The following RALGAPA2 variants were observed in gnomAD, a reference collection of about 807,000 sequenced individuals.
RALGAPA2 encodes Ral GTPase activating protein catalytic subunit alpha 2.
A neutral mutation model predicts 230.4 loss-of-function variants in RALGAPA2; 139 were observed. The observed-to-expected ratio is 0.60, with a 90% CI of 0.53 to 0.69. The LOEUF is 0.69. Among genes scored for constraint, RALGAPA2 ranks in the 30% least tolerant of loss-of-function variants. The pLI, the probability that RALGAPA2 is intolerant of heterozygous loss-of-function variation, is 0.00. For synonymous variants in RALGAPA2, 847 were observed against 837.8 expected (o/e 1.01, Z -0.19); for missense variants, 2,163 against 2,276.0 (o/e 0.95, Z 1.01).
intron 36 of RALGAPA2, among the ~76,000 whole-genome samples, chr20:20,489,611 A>C (rs1400504345): frequency 1.3e-5 from 2 of 151,974 alleles, no homozygotes; most frequent in African/African-American, 4.8e-5. Flanking sequence ...ACAAACTAAT[A>C]CATTTCAAGT....
rs146055663 is a variant in RALGAPA2, at chr20:20,617,322, T to C, written c.1540-1131A>G. On this transcript the variant is annotated intron_variant, in intron 12 of 39. Transcript: ENST00000202677. ...GCCTTTAAAGTTATCTTAGGTAAGA[T>C]TAAAACGTATTATGTCCCAATTTTC... Among the ~76,000 whole-genome samples the C allele has an allele frequency of 3.5e-3, 540 of 152,304 alleles. 5 individuals are homozygous for C. The highest frequency in any genetic ancestry group is 3.4e-3 in the Non-Finnish European group (230 of 68,024).
chr20:20,672,081 C>G (rs1284655939), intron 3 of RALGAPA2, among the ~76,000 whole-genome samples: 1 of 152,184 alleles, frequency 6.6e-6, no homozygotes, highest in Non-Finnish European at 1.5e-5. Context: ...TCCCCTCCAG[C>G]CCCCAGTTCC....
chr20:20,638,596 A>G (rs1347514144), intron 7 of RALGAPA2, among the ~76,000 whole-genome samples: 1 of 152,172 alleles, frequency 6.6e-6, no homozygotes, highest in Non-Finnish European at 1.5e-5. Context: ...TTAGTGACAC[A>G]CCTAGAATGA....
intron 37 of RALGAPA2, among the ~76,000 whole-genome samples, chr20:20,469,609 C>T (rs927160973): frequency 6.6e-6 from 1 of 152,194 alleles, no homozygotes; most frequent in African/African-American, 2.4e-5. Context: ...AAGCCACCAT[C>T]TGTTTGATTC....
rs75456514 is a variant in RALGAPA2 at position 20,584,911 on chromosome 20, T to G, written c.2484A>C (p.Lys828Asn). Reference protein sequence around the residue: ...RSSSPAELDLKDDLQQTQGKC... With the variant: ...RSSSPAELDLNDDLQQTQGKC... ...TTCCTTGTGTCTGCTGCAAATCATC[T>G]TTCAAATCCAATTCAGCAGGGCTGC... Residue 828 changes from lysine (K) to asparagine (N), a missense_variant, in exon 19 of 40, where the codon AAA becomes AAC. Physicochemically the swap from Lys to Asn is moderately conservative, Grantham distance 94. Coordinates refer to ENST00000202677, the MANE Select transcript of RALGAPA2 (RefSeq NM_020343.4). The G allele has an allele frequency of 4.8e-4, 768 of 1,611,970 alleles. 4 individuals are homozygous for G. Among genetic ancestry groups the G allele is most frequent in the South Asian group, 3.0e-3 (269 of 90,804 alleles).
chr20:20,588,691 G>A (rs1407279967), intron 18 of RALGAPA2, among the ~76,000 whole-genome samples: 4 of 152,148 alleles, frequency 2.6e-5, no homozygotes, highest in African/African-American at 9.7e-5. Context: ...GGGGAGCAAG[G>A]AGAGGCCTTC....
intron 35 of RALGAPA2, among the ~76,000 whole-genome samples, chr20:20,497,796 T>C (rs2062252726): frequency 1.3e-5 from 2 of 152,232 alleles, no homozygotes; most frequent in Non-Finnish European, 2.9e-5. Flanking sequence ...GTGGCAATTC[T>C]GTAATTAAGG....
chr20:20,679,947 A>C, intron 2 of RALGAPA2, among the ~76,000 whole-genome samples: 1 of 152,246 alleles, frequency 6.6e-6, no homozygotes, highest in South Asian at 2.1e-4. Flanking sequence ...GATTCAGCCC[A>C]CAGACTACAT....
chr20:20,405,592 G>C (rs1022710969), intron 38 of RALGAPA2, among the ~76,000 whole-genome samples: 2 of 152,202 alleles, frequency 1.3e-5, no homozygotes, highest in African/African-American at 4.8e-5. Flanking sequence ...AAAGAACAAA[G>C]GGATGAAGAA....
intron 37 of RALGAPA2, among the ~76,000 whole-genome samples, chr20:20,448,661 G>C (rs1487827621): frequency 1.3e-5 from 2 of 152,126 alleles, no homozygotes. Context: ...TTGGAAAACA[G>C]AAATAGCATT....
At chr20:20,494,194 C>G (rs2062140621) in intron 36 of RALGAPA2, among the ~76,000 whole-genome samples, 1 of 152,098 alleles carries the variant, frequency 6.6e-6, no homozygotes, top group Non-Finnish European at 1.5e-5. Context: ...GGTCATAAAT[C>G]CCAATATGAA....
At chr20:20,452,603 G>A (rs994516233) in intron 37 of RALGAPA2, among the ~76,000 whole-genome samples, 4 of 152,226 alleles carry the variant, frequency 2.6e-5, no homozygotes, top group East Asian at 1.9e-4. Flanking sequence ...GCTAGCAAGC[G>A]GCAACGGCCC....
At position 20,533,393 on chromosome 20, in the gene RALGAPA2, T is replaced by C. The variant is rs147590525; in HGVS notation, c.3474-1598A>G. ...CTTTAAGATAAAAAAAAATCCTCCTTAGAAATAAAGAGTCACTACAAACAT... is the reference window on the plus strand; with the variant it reads ...CTTTAAGATAAAAAAAAATCCTCCTCAGAAATAAAGAGTCACTACAAACAT... On this transcript the variant is annotated intron_variant, in intron 26 of 39. Transcript: ENST00000202677. Among the ~76,000 whole-genome samples, 528 of 152,206 alleles carry C rather than the reference T, an allele frequency of 3.5e-3. 4 individuals are homozygous for C. The highest frequency in any genetic ancestry group is 0.012 in the African/African-American group (498 of 41,550).
chr20:20,640,490 T>G (rs760058768), intron 6 of RALGAPA2, among the ~76,000 whole-genome samples: 1 of 152,220 alleles, frequency 6.6e-6, no homozygotes, highest in Non-Finnish European at 1.5e-5. Context: ...CTTCCATCAC[T>G]TCAGTACATT....
chr20:20,558,426 A>G (rs1485562586), intron 23 of RALGAPA2, among the ~76,000 whole-genome samples: 2 of 152,256 alleles, frequency 1.3e-5, no homozygotes, highest in Non-Finnish European at 2.9e-5. Context: ...TATACTTTCA[A>G]GTGAAGTCAA....
rs1314684960 is a variant in RALGAPA2, at chr20:20,640,736, T to C, written c.515A>G (p.Glu172Gly). ...ACTAGGGCTGGGATTGATGAGTGTC[T>C]CCAGTGTGCAAGGGCCCCTGGATGA... The part of the protein sequence containing the change: ...VMSSRGPCTL[E>G]TLINPSPSVA... The change falls in exon 6 of 40, where the codon GAG becomes GGG. Residue 172 changes from glutamate to glycine, a missense_variant. Glu to Gly is a moderately conservative substitution (Grantham distance 98). Coordinates refer to ENST00000202677, the MANE Select transcript of RALGAPA2 (RefSeq NM_020343.4). 6.2e-7 allele frequency: 1 copy of C among 1,613,876 alleles called. No homozygotes were observed. The highest frequency in any genetic ancestry group is 1.3e-5 in the African/African-American group (1 of 75,024).
chr20:20,443,091 T>C (rs1203460200), intron 37 of RALGAPA2, among the ~76,000 whole-genome samples: 3 of 152,236 alleles, frequency 2.0e-5, no homozygotes, highest in African/African-American at 7.2e-5. Context: ...AAACCAGTCA[T>C]TATTATAGAT....
intron 27 of RALGAPA2, among the ~76,000 whole-genome samples, chr20:20,526,925 C>A (rs1455331705): frequency 2.6e-5 from 4 of 152,154 alleles, no homozygotes; most frequent in African/African-American, 7.2e-5. Flanking sequence ...TTATGGTATA[C>A]TCAATTATTT....
intron 37 of RALGAPA2, among the ~76,000 whole-genome samples, chr20:20,432,927 C>A (rs932281635): frequency 4.6e-5 from 7 of 152,210 alleles, no homozygotes; most frequent in African/African-American, 7.2e-5. Context: ...GGTGCATGGG[C>A]AGAGCCTCCG....
Sources: gnomAD v4.1 joint callset for allele counts (sites outside exome capture counted in the v4.1 genomes callset) on GRCh38, gnomAD v4.1.1 for gene constraint, MANE v1.5 for transcripts, NCBI Gene and HGNC (gene_info 2026-07-23, HGNC 2026-07-21) for gene names.